The following YAP1 variants were observed in gnomAD, a reference collection of about 807,000 sequenced individuals.
YAP1 encodes the protein Yes1 associated transcriptional regulator, also known as transcriptional coactivator YAP1.
YAP1 carries 5 observed loss-of-function variants against 56.9 expected under a neutral mutation model. The ratio of observed to expected loss-of-function variants is 0.09; its 90% CI spans 0.05 to 0.18. The LOEUF is 0.18. YAP1 is among the 10% of genes least tolerant of loss of function. The pLI is 1.00. For synonymous variants in YAP1, 265 were observed against 248.1 expected, an observed-to-expected ratio of 1.07 and a Z score of -0.64; for missense variants, 539 against 651.8, an observed-to-expected ratio of 0.83 and a Z score of 1.88.
chr11:102,160,530 A>G (rs1364559407), intron 2 of YAP1, among the ~76,000 whole-genome samples: 1 of 152,222 alleles, frequency 6.6e-6, no homozygotes, highest in Non-Finnish European at 1.5e-5. Context: ...GATTTGAAAA[A>G]GAAAGCATTT....
intron 2 of YAP1, among the ~76,000 whole-genome samples, chr11:102,125,923 CCT>C (rs1447052545): frequency 6.6e-6 from 1 of 152,020 alleles, no homozygotes; most frequent in Non-Finnish European, 1.5e-5. Flanking sequence ...TTAGTAATTT[CCT>C]CTTTTAGCAG....
At chr11:102,226,468 T>G (rs1950202021) in intron 7 of YAP1, among the ~76,000 whole-genome samples, 2 of 152,190 alleles carry the variant, frequency 1.3e-5, no homozygotes, top group South Asian at 4.1e-4. Flanking sequence ...GCTTATTAAA[T>G]GTACAAGCCG....
intron 2 of YAP1, among the ~76,000 whole-genome samples, chr11:102,134,938 G>A (rs1354963837): frequency 2.6e-5 from 4 of 152,182 alleles, no homozygotes; most frequent in African/African-American, 9.7e-5. Flanking sequence ...GAGTGCAGTG[G>A]CGCAGCCTCA....
intron 2 of YAP1, among the ~76,000 whole-genome samples, chr11:102,149,893 G>A (rs1409857138): frequency 3.3e-5 from 5 of 150,264 alleles, no homozygotes; most frequent in Admixed American, 6.7e-5. Context: ...AACTAATTGC[G>A]TATATGAAGA....
rs949130374 is a variant in YAP1 at position 102,230,691 on chromosome 11, TGGG to T, written c.*756_*758del. On this transcript the variant is annotated 3_prime_UTR_variant, in exon 9 of 9. Coordinates refer to ENST00000282441, the MANE Select transcript of YAP1 (RefSeq NM_001130145.3). The stretch of plus-strand genomic sequence containing the variant: ...TTTTTTTTGTTTTTGGCAGGGTCGG[TGGG>T]GGGGTTGGTTGGTTGGTTGGTTTTG... 1 of 152,204 alleles carries T rather than the reference TGGG, an allele frequency of 6.6e-6. No individual in the cohort carries two copies. Among genetic ancestry groups the T allele is most frequent in the Admixed American group, 6.6e-5 (1 of 15,206 alleles). 9.4% of individuals were successfully genotyped at this position (152,204 alleles called of 1,614,324 possible).
At chr11:102,184,366 G>T (rs1422106155) in intron 3 of YAP1, among the ~76,000 whole-genome samples, 2 of 152,158 alleles carry the variant, frequency 1.3e-5, no homozygotes, top group African/African-American at 2.4e-5. Flanking sequence ...GTGAGAAAAG[G>T]TTTGATATAC....
chr11:102,217,892 G>C (rs924950591), intron 6 of YAP1, among the ~76,000 whole-genome samples: 3 of 151,918 alleles, frequency 2.0e-5, no homozygotes, highest in African/African-American at 7.3e-5. Flanking sequence ...GTAGAGACGG[G>C]GTTTCTCCAT....
At chr11:102,217,187 A>G (rs1469900547) in intron 6 of YAP1, among the ~76,000 whole-genome samples, 1 of 152,196 alleles carries the variant, frequency 6.6e-6, no homozygotes, top group African/African-American at 2.4e-5. Flanking sequence ...GTAAATAGCA[A>G]TATAATTTCC....
At chr11:102,192,384 G>A (rs1948339059) in intron 4 of YAP1, among the ~76,000 whole-genome samples, 1 of 152,168 alleles carries the variant, frequency 6.6e-6, no homozygotes, top group Non-Finnish European at 1.5e-5. Context: ...GAGAAAAATA[G>A]TTATGTCATT....
intron 3 of YAP1, among the ~76,000 whole-genome samples, chr11:102,180,156 T>A (rs1393149843): frequency 6.6e-6 from 1 of 151,650 alleles, no homozygotes; most frequent in Non-Finnish European, 1.5e-5. Context: ...ACTACAGGTG[T>A]GCGCCACCAC....
At chr11:102,205,829 AATC>A (rs1244509966) in intron 4 of YAP1, 61 bp from the exon 5 acceptor site, 1 of 1,419,080 alleles carries the variant, frequency 7.0e-7, no homozygotes, top group Non-Finnish European at 9.3e-7. Context: ...TGAATAATTA[AATC>A]ATCATTTTAT....
In YAP1 at chr11:102,207,847, G is replaced by A. The variant is rs1045629476; in HGVS notation, c.985-1670G>A. ...AGTAAGACAGTATGTGCCAACATAC[G>A]ATGTCAGGAACTTGTTGGGGCTCAG... On this transcript the variant is annotated intron_variant, in intron 5 of 8. Coordinates refer to ENST00000282441, the MANE Select transcript of YAP1 (RefSeq NM_001130145.3). 2.6e-5 allele frequency among the ~76,000 whole-genome samples: 4 copies of A among 152,296 alleles called. No individual in the cohort carries two copies. The East Asian group carries it at 5.8e-4, about 22-fold the overall frequency.
intron 1 of YAP1, among the ~76,000 whole-genome samples, chr11:102,111,821 C>T (rs1942942877): frequency 6.6e-6 from 1 of 152,006 alleles, no homozygotes; most frequent in African/African-American, 2.4e-5. Flanking sequence ...TTTCCTTCCC[C>T]CCTCCCGTTT....
intron 2 of YAP1, among the ~76,000 whole-genome samples, chr11:102,130,383 A>G (rs981379497): frequency 6.6e-6 from 1 of 152,162 alleles, no homozygotes; most frequent in African/African-American, 2.4e-5. Context: ...AAATTTCCCA[A>G]GCTCTCCCGG....
At chr11:102,133,517 A>G (rs1208603304) in intron 2 of YAP1, among the ~76,000 whole-genome samples, 4 of 152,118 alleles carry the variant, frequency 2.6e-5, no homozygotes, top group Non-Finnish European at 5.9e-5. Flanking sequence ...GGCTGGTTTC[A>G]AACTCCAAGG....
intron 3 of YAP1, among the ~76,000 whole-genome samples, chr11:102,168,550 C>T (rs1393403827): frequency 1.3e-5 from 2 of 152,172 alleles, no homozygotes; most frequent in Non-Finnish European, 2.9e-5. Flanking sequence ...ACCAATGTAG[C>T]ACTTTCAGAT....
intron 3 of YAP1, among the ~76,000 whole-genome samples, chr11:102,176,283 A>G (rs1435451783): frequency 6.6e-6 from 1 of 152,214 alleles, no homozygotes; most frequent in Non-Finnish European, 1.5e-5. Flanking sequence ...AGTTTTTCTC[A>G]TAATTCCACA....
intron 3 of YAP1, among the ~76,000 whole-genome samples, chr11:102,182,147 C>T (rs1301720218): frequency 2.0e-5 from 3 of 152,068 alleles, no homozygotes; most frequent in Non-Finnish European, 4.4e-5. Flanking sequence ...TCAGTGGTTC[C>T]TTAGACCGGC....
intron 2 of YAP1, among the ~76,000 whole-genome samples, chr11:102,126,587 A>G (rs1944050262): frequency 6.6e-6 from 1 of 152,192 alleles, no homozygotes. Context: ...GTGGAGTTGT[A>G]AGTCCAATTA....
Sources: allele counts gnomAD v4.1 joint callset (sites outside exome capture counted in the v4.1 genomes callset), GRCh38; gene constraint gnomAD v4.1.1; transcripts MANE v1.5; gene names NCBI Gene and HGNC (gene_info 2026-07-23, HGNC 2026-07-21).